The following MLLT1 variants were observed in gnomAD, a reference collection of about 807,000 sequenced individuals.
The protein encoded by MLLT1 is protein ENL.
In MLLT1, 11 loss-of-function variants were observed where a neutral mutation model predicts 55.1. That is an observed-to-expected ratio of 0.20 (90% confidence interval 0.13 to 0.33). The LOEUF (loss-of-function observed/expected upper bound fraction) is 0.33. Ranked by LOEUF, MLLT1 falls within the 10% of genes least tolerant of loss-of-function variation. The pLI, the probability that MLLT1 is intolerant of heterozygous loss-of-function variation, is 1.00. For missense variants in MLLT1, 536 were observed against 760.6 expected, an observed-to-expected ratio of 0.70 and a Z score of 3.47; for synonymous variants, 323 against 320.1, an observed-to-expected ratio of 1.01 and a Z score of -0.10.
chr19:6,265,408 C>T (rs550291230), intron 2 of MLLT1, among the ~76,000 whole-genome samples: 74 of 152,278 alleles, frequency 4.9e-4, no homozygotes, highest in African/African-American at 1.7e-3. Flanking sequence ...CAGTGGCTCC[C>T]GCCTGTAATC....
rs148470020 is a variant in MLLT1, at chr19:6,256,836, C to A, written c.276+5392G>T. Among the ~76,000 whole-genome samples, 12 of 152,326 alleles carry A rather than the reference C, an allele frequency of 7.9e-5. No individual in the cohort carries two copies. In the East Asian group the frequency reaches 2.3e-3, roughly 29 times the overall value. The stretch of plus-strand genomic sequence containing the variant: ...AGTATGGCCAGCATAAGCACAGACA[C>A]GTAGACCAATGAAATAGAATTCAGA... On this transcript the variant is annotated intron_variant, in intron 3 of 11. Transcript: ENST00000252674. This position sits in a 1 kb window ranked among gnomAD's most constrained non-coding sequence, Gnocchi z 4.1.
In MLLT1 at chr19:6,231,692, G is replaced by A. The variant is rs1037426449; in HGVS notation, c.277-979C>T. On this transcript the variant is annotated intron_variant, in intron 3 of 11. Coordinates refer to ENST00000252674, the MANE Select transcript of MLLT1 (RefSeq NM_005934.4). This position sits in a 1 kb window ranked among gnomAD's most constrained non-coding sequence, Gnocchi z 5.1. The stretch of plus-strand genomic sequence containing the variant: ...AATTTTTTGTATTTTCAGTAAAGAC[G>A]GGGTTTCACCATGTTAACCAGGATG... Among the ~76,000 whole-genome samples, 2 of 151,828 alleles carry A rather than the reference G, an allele frequency of 1.3e-5. No individual in the cohort carries two copies. The highest frequency in any genetic ancestry group is 2.4e-5 in the African/African-American group (1 of 41,348).
At chr19:6,221,561 T>C (rs919189427) in intron 6 of MLLT1, among the ~76,000 whole-genome samples, 2 of 152,322 alleles carry the variant, frequency 1.3e-5, no homozygotes, top group South Asian at 2.1e-4. Flanking sequence ...GTCACAGCTG[T>C]GTGCGATGGG....
rs2233189 is a variant in MLLT1, at chr19:6,230,651, G to A, written c.339C>T (p.Pro113=). 1.2e-3 allele frequency: 2,004 copies of A among 1,614,082 alleles called. 22 individuals are homozygous for A. In the African/African-American group the frequency reaches 0.023, roughly 19 times the overall value. Residue 113 remains proline (P), a synonymous_variant, in exon 4 of 12, where the codon CCC becomes CCT. Transcript: ENST00000252674. This position sits in a 1 kb window ranked among gnomAD's most constrained non-coding sequence, Gnocchi z 9.0. ...DLFLNLEGNP[P]VNHLRCEKLT... ...GCTTCTCGCAGCGCAGGTGGTTCACGGGCGGGTTGCCTTCCAGGTTCAGGA... is the reference window on the plus strand; with the variant it reads ...GCTTCTCGCAGCGCAGGTGGTTCACAGGCGGGTTGCCTTCCAGGTTCAGGA...
At position 6,213,945 on chromosome 19, in the gene MLLT1, G is replaced by A. The variant is rs762364445; in HGVS notation, c.1401C>T (p.Asn467=). Residue 467 remains asparagine, a synonymous_variant, in exon 9 of 12, where the codon AAC becomes AAT. Transcript: ENST00000252674. ...PPPPQKPPPP[N]SKVSGRRSPE... is the part of the protein sequence containing the mutation. ...CTGCAGGCCCCAGGCTCACCTTGCT[G>A]TTGGGCGGGGGTGGCTTCTGGGGGG... 1 of 1,450,506 alleles carries A rather than the reference G, an allele frequency of 6.9e-7. No individual in the cohort carries two copies. The highest frequency in any genetic ancestry group is 1.4e-5 in the African/African-American group (1 of 70,012). The allele number at this position is 1,450,506 out of a possible 1,614,324, so 89.9% of individuals were successfully genotyped here.
At chr19:6,269,466 A>G (rs2091377015) in intron 2 of MLLT1, among the ~76,000 whole-genome samples, 1 of 152,258 alleles carries the variant, frequency 6.6e-6, no homozygotes, top group Admixed American at 6.5e-5. Context: ...GAAAAGGGGA[A>G]AAGGTGAAGA....
At chr19:6,274,083 G>A (rs62106564) in intron 1 of MLLT1, among the ~76,000 whole-genome samples, 38,580 of 152,190 alleles carry the variant, frequency 0.25, 5,586 homozygotes, top group African/African-American at 0.38. Flanking sequence ...GCGCCAACTT[G>A]AGCCTCAACA....
chr19:6,269,330 G>A (rs1227565748), intron 2 of MLLT1, among the ~76,000 whole-genome samples: 3 of 152,238 alleles, frequency 2.0e-5, no homozygotes, highest in Non-Finnish European at 4.4e-5. Flanking sequence ...TCCTGCGCAC[G>A]AAGCGCTGGC....
rs1307264533 is a variant in MLLT1, at chr19:6,273,008, G to A, written c.13-2249C>T. Among the ~76,000 whole-genome samples the A allele has an allele frequency of 6.6e-6, 1 of 152,206 alleles. No homozygotes were observed. The highest frequency in any genetic ancestry group is 1.5e-5 in the Non-Finnish European group (1 of 68,038). On this transcript the variant is annotated intron_variant, in intron 1 of 11. Transcript: ENST00000252674. This position sits in a 1 kb window ranked among gnomAD's most constrained non-coding sequence, Gnocchi z 4.3. Reference sequence around the variant, plus strand: ...AAAGGGGGCAGAGGGGATTCCCTTGGCTCAGGACGACTGTCCCTCTGGAGT... The same window carrying A: ...AAAGGGGGCAGAGGGGATTCCCTTGACTCAGGACGACTGTCCCTCTGGAGT...
chr19:6,237,763 C>CA (rs1269996726), intron 3 of MLLT1, among the ~76,000 whole-genome samples: 10,835 of 71,476 alleles, frequency 0.15, 716 homozygotes, highest in Admixed American at 0.28. Flanking sequence ...ACTCTTGTCT[C>CA]AAAAAAAAAA....
chr19:6,239,531 G>A lies in MLLT1; in HGVS notation c.277-8818C>T, dbSNP rs117109385. 1.2e-4 allele frequency among the ~76,000 whole-genome samples: 19 copies of A among 152,190 alleles called. 1 individual carries two copies. In the South Asian group the frequency reaches 2.5e-3, roughly 20 times the overall value. On this transcript the variant is annotated intron_variant, in intron 3 of 11. Transcript: ENST00000252674. ...GTTCAGAGGTGTGAGTCACACTCAC[G>A]CCCACACATGCACACACGCATGCGT...
chr19:6,223,192 C>T (rs544768447), intron 5 of MLLT1, among the ~76,000 whole-genome samples: 11 of 152,270 alleles, frequency 7.2e-5, no homozygotes, highest in Admixed American at 3.3e-4. Flanking sequence ...TTCTGAGCCC[C>T]GTCGGCCCCT....
chr19:6,213,970 G>A lies in MLLT1; in HGVS notation c.1376C>T (p.Pro459Leu), dbSNP rs1431976818. The A allele has an allele frequency of 2.1e-6, 3 of 1,459,770 alleles. No individual in the cohort carries two copies. The highest frequency in any genetic ancestry group is 2.4e-5 in the East Asian group (1 of 40,876). 90.4% of individuals were successfully genotyped at this position (1,459,770 alleles called of 1,614,324 possible). A position where few individuals can be genotyped will look rare whatever the true frequency, so the allele number is the denominator to read the frequency against. ...GTTGGGCGGGGGTGGCTTCTGGGGG[G>A]GTGGGGGCTCACGGCTGGGCAGGGA... is the stretch of plus-strand genomic sequence containing the variant. ...DSSLPSREPP[P>L]PQKPPPPNSK... is the part of the protein sequence containing the mutation. Residue 459 changes from proline (P) to leucine (L), a missense_variant, in exon 9 of 12, where the codon CCC becomes CTC. By Grantham distance (98) the Pro-to-Leu change is moderately conservative (BLOSUM62 -3). Coordinates refer to ENST00000252674, the MANE Select transcript of MLLT1 (RefSeq NM_005934.4).
chr19:6,249,759 G>A (rs1013017271), intron 3 of MLLT1, among the ~76,000 whole-genome samples: 2 of 151,984 alleles, frequency 1.3e-5, no homozygotes, highest in African/African-American at 4.8e-5. Context: ...AAAGTGGCTC[G>A]CGCCTGTAAT....
Position 6,234,113 on chromosome 19 carries a change from G to A in MLLT1, c.277-3400C>T, listed in dbSNP as rs1350163030. Among the ~76,000 whole-genome samples, 8 of 152,258 alleles carry A rather than the reference G, an allele frequency of 5.3e-5. No homozygotes were observed. The East Asian group carries it at 1.5e-3, about 29-fold the overall frequency. On this transcript the variant is annotated intron_variant, in intron 3 of 11. Coordinates refer to ENST00000252674, the MANE Select transcript of MLLT1 (RefSeq NM_005934.4). ...GGGGCTGAAGGATGGCCAGGAGCTG[G>A]TTGGCTCAAGAAGGGTAAGAGGTGG...
intron 7 of MLLT1, 53 bp from the exon 8 acceptor site, chr19:6,216,566 C>G: frequency 7.5e-7 from 1 of 1,331,484 alleles, no homozygotes; most frequent in Non-Finnish European, 1.0e-6. Context: ...CTCCACTGAG[C>G]CTCCAGGGCC....
In MLLT1 at chr19:6,212,342, T is replaced by G; in HGVS notation, c.*700A>C. The stretch of plus-strand genomic sequence containing the variant: ...TGCGCCTGGAGAGGGCCAGCTGCCG[T>G]GCCTGGCTCGGCCTCCAGCCCCACA... On this transcript the variant is annotated 3_prime_UTR_variant, in exon 12 of 12. Transcript: ENST00000252674. The G allele has an allele frequency of 9.6e-7, 1 of 1,038,448 alleles. No individual in the cohort carries two copies. The highest frequency in any genetic ancestry group is 1.1e-6 in the Non-Finnish European group (1 of 871,252). The allele number at this position is 1,038,448 out of a possible 1,614,324, so 64.3% of individuals were successfully genotyped here. A position where few individuals can be genotyped will look rare whatever the true frequency, so the allele number is the denominator to read the frequency against.
In MLLT1 at chr19:6,230,826, C is replaced by T. The variant is rs1281679134; in HGVS notation, c.277-113G>A. On this transcript the variant is annotated intron_variant, in intron 3 of 11. Coordinates refer to ENST00000252674, the MANE Select transcript of MLLT1 (RefSeq NM_005934.4). This position sits in a 1 kb window ranked among gnomAD's most constrained non-coding sequence, Gnocchi z 9.0. ...CCCTCACTGGGCCTCTGTTCCCCTCCCTCCGATTTGCGCCCACTTCTCTCT... is the reference window on the plus strand; with the variant it reads ...CCCTCACTGGGCCTCTGTTCCCCTCTCTCCGATTTGCGCCCACTTCTCTCT... 4 of 1,369,066 alleles carry T rather than the reference C, an allele frequency of 2.9e-6. No individual in the cohort carries two copies. The highest frequency in any genetic ancestry group is 2.6e-5 in the South Asian group (2 of 76,494). 84.8% of individuals were successfully genotyped at this position (1,369,066 alleles called of 1,614,324 possible).
chr19:6,231,389 A>C lies in MLLT1; in HGVS notation c.277-676T>G, dbSNP rs1053251365. On this transcript the variant is annotated intron_variant, in intron 3 of 11. Coordinates refer to ENST00000252674, the MANE Select transcript of MLLT1 (RefSeq NM_005934.4). The surrounding 1 kb of genome is among the most constrained non-coding windows in gnomAD (Gnocchi z 5.1). ...CTGTGAGTGAGGGGCTGTGATGAAT[A>C]CAGAAAGGCCAGGAGGGCTCAGGGC... 1.3e-5 allele frequency among the ~76,000 whole-genome samples: 2 copies of C among 152,180 alleles called. No homozygotes were observed. Among genetic ancestry groups the C allele is most frequent in the African/African-American group, 4.8e-5 (2 of 41,432 alleles).
Sources: allele counts gnomAD v4.1 joint callset (sites outside exome capture counted in the v4.1 genomes callset), GRCh38; gene constraint gnomAD v4.1.1; non-coding constraint Gnocchi (gnomAD v3.1); transcripts MANE v1.5; gene names NCBI Gene and HGNC (gene_info 2026-07-23, HGNC 2026-07-21).